Variants in ODAD2 observed in about 807,000 individuals in gnomAD.
ODAD2 encodes the protein outer dynein arm docking complex subunit 2, also known as outer dynein arm-docking complex subunit 2.
A neutral mutation model predicts 106.8 loss-of-function variants in ODAD2; 89 were observed. The observed-to-expected ratio is 0.83, with a 90% confidence interval of 0.70 to 0.99. The LOEUF (loss-of-function observed/expected upper bound fraction) is 0.99, where lower values mean the gene tolerates loss of function less well. Among genes scored for constraint, ODAD2 ranks in the 50% least tolerant of loss-of-function variants. ODAD2 has a pLI of 0.00. For missense variants in ODAD2, 1,168 were observed against 1,238.5 expected (o/e 0.94, Z 0.85); for synonymous variants, 404 against 436.2 (o/e 0.93, Z 0.92).
At chr10:27,887,226 G>A (rs935024707) in intron 17 of ODAD2, among the ~76,000 whole-genome samples, 1 of 151,934 alleles carries the variant, frequency 6.6e-6, no homozygotes, top group African/African-American at 2.4e-5. Flanking sequence ...ACCAATAACA[G>A]ACAAAATAGC....
At chr10:27,831,552 C>T (rs1837479655) in intron 19 of ODAD2, among the ~76,000 whole-genome samples, 1 of 152,198 alleles carries the variant, frequency 6.6e-6, no homozygotes, top group African/African-American at 2.4e-5. Context: ...GAAACCATGG[C>T]ATAGAAAGAT....
intron 17 of ODAD2, among the ~76,000 whole-genome samples, chr10:27,871,897 T>A (rs150470899): frequency 0.03 from 4,506 of 152,268 alleles, 140 homozygotes; most frequent in East Asian, 0.13. Context: ...GTGAAGAAAG[T>A]CATTGGTAGT....
chr10:27,850,117 C>T (rs958898283), intron 19 of ODAD2, among the ~76,000 whole-genome samples: 1 of 152,082 alleles, frequency 6.6e-6, no homozygotes, highest in African/African-American at 2.4e-5. Context: ...CTAATTTGGG[C>T]CTTAGTTTCC....
At chr10:27,998,538 G>T (rs1169780587) in intron 1 of ODAD2, among the ~76,000 whole-genome samples, 12 of 152,046 alleles carry the variant, frequency 7.9e-5, no homozygotes, top group Non-Finnish European at 1.6e-4. Context: ...GAGGTGATGG[G>T]GCCGAGGTAG....
chr10:27,876,329 T>C (rs1004498396), intron 17 of ODAD2, among the ~76,000 whole-genome samples: 1 of 152,088 alleles, frequency 6.6e-6, no homozygotes, highest in African/African-American at 2.4e-5. Flanking sequence ...CACTGCCGGG[T>C]ACCCCTCTGA....
At chr10:27,983,734 C>T (rs188675245) in intron 6 of ODAD2, 109 bp downstream of exon 6, 169 of 1,104,388 alleles carry the variant, frequency 1.5e-4, no homozygotes, top group Admixed American at 7.5e-4. Flanking sequence ...GCTTCTATCC[C>T]ACAGAATGGT....
intron 2 of ODAD2, among the ~76,000 whole-genome samples, chr10:27,988,966 G>C: frequency 6.6e-6 from 1 of 152,158 alleles, no homozygotes; most frequent in South Asian, 2.1e-4. Context: ...GACAGAGGCA[G>C]CGACAGGGAT....
At chr10:27,865,224 GCTAATAATA>G in intron 17 of ODAD2, among the ~76,000 whole-genome samples, 1 of 152,166 alleles carries the variant, frequency 6.6e-6, no homozygotes, top group Non-Finnish European at 1.5e-5. Context: ...CTCTATGTGA[GCTAATAATA>G]AGAACCCTGG....
chr10:27,879,461 T>C (rs1017558078), intron 17 of ODAD2, among the ~76,000 whole-genome samples: 2 of 151,656 alleles, frequency 1.3e-5, no homozygotes, highest in Non-Finnish European at 2.9e-5. Context: ...TTAAAATGTA[T>C]ATATATTTAA....
intron 19 of ODAD2, among the ~76,000 whole-genome samples, chr10:27,858,328 A>C (rs749360313): frequency 3.3e-5 from 5 of 152,292 alleles, no homozygotes; most frequent in Middle Eastern, 3.4e-3. Context: ...CGAGAGAGAC[A>C]ATCTCCAGGT....
intron 1 of ODAD2, among the ~76,000 whole-genome samples, chr10:27,997,924 G>A (rs1419504680): frequency 6.6e-6 from 1 of 152,124 alleles, no homozygotes; most frequent in African/African-American, 2.4e-5. Context: ...AAGGAAAAAA[G>A]TTTTGGTTAC....
chr10:27,904,282 AG>A, intron 17 of ODAD2: 1 of 395,094 alleles, frequency 2.5e-6, no homozygotes, highest in South Asian at 2.1e-5. Flanking sequence ...AAAGTGGCAC[AG>A]GACAAGAAAG....
rs760664232 is a variant in ODAD2, at chr10:27,939,989, T to C, written c.2005A>G (p.Ile669Val). 1.9e-6 allele frequency: 3 copies of C among 1,607,978 alleles called. No individual in the cohort carries two copies. In the South Asian group the frequency reaches 3.3e-5, roughly 18 times the overall value. ...TTTTCAATGATCCTTTCTGCTTTGA[T>C]TGCAGCCCGGTAGTTTTCCTAGGAA... ...CASEENYRAA[I>V]KAERIIENLV... The change falls in exon 14 of 20, where the codon ATC (isoleucine) becomes GTC (valine). Residue 669 changes from isoleucine (I) to valine (V), a missense_variant. Ile to Val is a conservative substitution (Grantham distance 29, BLOSUM62 3). Transcript: ENST00000305242.
At chr10:27,941,605 T>TTTTTTG (rs1564529100) in intron 12 of ODAD2, among the ~76,000 whole-genome samples, 2 of 149,954 alleles carry the variant, frequency 1.3e-5, no homozygotes, top group Non-Finnish European at 3.0e-5. Flanking sequence ...AGTTTTTTTT[T>TTTTTTG]TTTTTTTTTT....
At chr10:27,894,565 T>A (rs955693333) in intron 17 of ODAD2, among the ~76,000 whole-genome samples, 1 of 152,054 alleles carries the variant, frequency 6.6e-6, no homozygotes, top group African/African-American at 2.4e-5. Context: ...TGAAAGAACA[T>A]TCTAGAAAGG....
At chr10:27,933,990 G>A (rs191162050) in intron 16 of ODAD2, among the ~76,000 whole-genome samples, 1 of 152,212 alleles carries the variant, frequency 6.6e-6, no homozygotes, top group African/African-American at 2.4e-5. Flanking sequence ...GGAGAGACCC[G>A]GTGGGAGTTA....
At position 27,958,684 on chromosome 10, in the gene ODAD2, T is replaced by A. The variant is rs557714675; in HGVS notation, c.1386+2884A>T. 3.9e-5 allele frequency among the ~76,000 whole-genome samples: 6 copies of A among 152,354 alleles called. No individual in the cohort carries two copies. In the South Asian group the frequency reaches 8.3e-4, roughly 21 times the overall value. On this transcript the variant is annotated intron_variant, in intron 10 of 19. Coordinates refer to ENST00000305242, the MANE Select transcript of ODAD2 (RefSeq NM_018076.5). ...AATAATAATAAGCAATAGAAATGAT[T>A]ATTATTGCCAACAGTTACTAACTAC...
intron 17 of ODAD2, among the ~76,000 whole-genome samples, chr10:27,892,578 A>C (rs1368425512): frequency 6.6e-6 from 1 of 152,238 alleles, no homozygotes; most frequent in Non-Finnish European, 1.5e-5. Context: ...ATCAATAACT[A>C]TTACATACTT....
chr10:27,871,340 G>A (rs1246419068), intron 17 of ODAD2, among the ~76,000 whole-genome samples: 1 of 152,170 alleles, frequency 6.6e-6, no homozygotes, highest in African/African-American at 2.4e-5. Context: ...CTTTTGCCGT[G>A]CAGAAGCTCT....
Sources: allele counts gnomAD v4.1 joint callset (sites outside exome capture counted in the v4.1 genomes callset), GRCh38; gene constraint gnomAD v4.1.1; transcripts MANE v1.5; gene names NCBI Gene and HGNC (gene_info 2026-07-23, HGNC 2026-07-21).